Variants in CACNA2D2 observed in about 807,000 individuals in gnomAD.
CACNA2D2 encodes calcium voltage-gated channel auxiliary subunit alpha2delta 2.
CACNA2D2 carries 48 observed loss-of-function variants against 166.4 expected under a neutral mutation model. The ratio of observed to expected loss-of-function variants is 0.29; its 90% CI spans 0.23 to 0.37. The LOEUF (loss-of-function observed/expected upper bound fraction) is 0.37, where lower values mean the gene tolerates loss of function less well. CACNA2D2 is among the 10% of genes least tolerant of loss of function. The pLI is 1.00. For synonymous variants in CACNA2D2, 561 were observed against 573.7 expected (o/e 0.98, Z 0.32); for missense variants, 1,122 against 1,433.0 (o/e 0.78, Z 3.50).
At chr3:50,441,695 G>A (rs1708608144) in intron 2 of CACNA2D2, among the ~76,000 whole-genome samples, 1 of 152,274 alleles carries the variant, frequency 6.6e-6, no homozygotes, top group South Asian at 2.1e-4. Flanking sequence ...AAACTGACTT[G>A]AAAACTGTGG....
chr3:50,458,654 G>C (rs936719416), intron 2 of CACNA2D2, among the ~76,000 whole-genome samples: 1 of 152,236 alleles, frequency 6.6e-6, no homozygotes, highest in South Asian at 2.1e-4. Context: ...CAAACTCCCT[G>C]GCACGACAGT....
intron 2 of CACNA2D2, among the ~76,000 whole-genome samples, chr3:50,458,212 C>A (rs1019174060): frequency 6.6e-6 from 1 of 152,238 alleles, no homozygotes; most frequent in African/African-American, 2.4e-5. Context: ...CTTCCCACTG[C>A]GCAGATGGGG....
chr3:50,426,443 T>G (rs1449257980), intron 3 of CACNA2D2, among the ~76,000 whole-genome samples: 1 of 151,996 alleles, frequency 6.6e-6, no homozygotes, highest in Non-Finnish European at 1.5e-5. Flanking sequence ...TCAGCCAAGG[T>G]GTCCCCACAG....
At chr3:50,466,422 C>G (rs1299451152) in intron 2 of CACNA2D2, among the ~76,000 whole-genome samples, 1 of 152,132 alleles carries the variant, frequency 6.6e-6, no homozygotes, top group East Asian at 1.9e-4. Flanking sequence ...AATGTGTGCC[C>G]GCTCACACCT....
At chr3:50,502,457 C>T (rs895103604) in intron 1 of CACNA2D2, among the ~76,000 whole-genome samples, 13 of 152,210 alleles carry the variant, frequency 8.5e-5, no homozygotes, top group Admixed American at 2.0e-4. Context: ...TTTGCTGGCT[C>T]TTGGGGAGGA....
At chr3:50,471,388 G>T (rs1036863742) in intron 2 of CACNA2D2, among the ~76,000 whole-genome samples, 2 of 152,158 alleles carry the variant, frequency 1.3e-5, no homozygotes, top group Non-Finnish European at 2.9e-5. Flanking sequence ...TGGGGTCTAG[G>T]GGGGACAGCT....
intron 2 of CACNA2D2, among the ~76,000 whole-genome samples, chr3:50,450,590 G>A (rs964917956): frequency 2.0e-5 from 3 of 152,150 alleles, no homozygotes; most frequent in Non-Finnish European, 2.9e-5. Context: ...GACATTCAGC[G>A]CCAAATTAGC....
At chr3:50,476,666 G>C (rs1331485588) in intron 1 of CACNA2D2, among the ~76,000 whole-genome samples, 2 of 152,194 alleles carry the variant, frequency 1.3e-5, no homozygotes, top group Non-Finnish European at 2.9e-5. Context: ...CTGTCACCAA[G>C]TCATTGTGTA....
chr3:50,459,740 G>T (rs1709514283), intron 2 of CACNA2D2, among the ~76,000 whole-genome samples: 1 of 152,240 alleles, frequency 6.6e-6, no homozygotes, highest in Non-Finnish European at 1.5e-5. Flanking sequence ...GTCCAGGGGA[G>T]AAGCCCATGC....
chr3:50,410,702 TAA>T (rs761932772), intron 3 of CACNA2D2, among the ~76,000 whole-genome samples: 4 of 152,030 alleles, frequency 2.6e-5, no homozygotes, highest in Non-Finnish European at 5.9e-5. Flanking sequence ...GGAAAGGGGG[TAA>T]GTGGGACCCC....
intron 3 of CACNA2D2, among the ~76,000 whole-genome samples, chr3:50,399,285 C>T (rs2282753): frequency 0.29 from 43,972 of 152,178 alleles, 8,940 homozygotes; most frequent in African/African-American, 0.54. Context: ...GCCCATCAAA[C>T]AGGACTTTTT....
intron 3 of CACNA2D2, among the ~76,000 whole-genome samples, chr3:50,412,704 C>G (rs962311049): frequency 2.0e-5 from 3 of 152,162 alleles, no homozygotes; most frequent in African/African-American, 7.2e-5. Context: ...TTAGCTCGTT[C>G]TTTGAAATAA....
chr3:50,395,351 C>T (rs1160656695), intron 3 of CACNA2D2, among the ~76,000 whole-genome samples: 4 of 152,108 alleles, frequency 2.6e-5, no homozygotes, highest in Non-Finnish European at 4.4e-5. Context: ...GGCTGGGCCC[C>T]GGAGCCCAGC....
intron 3 of CACNA2D2, among the ~76,000 whole-genome samples, chr3:50,407,892 G>T (rs1706800665): frequency 6.6e-6 from 1 of 152,212 alleles, no homozygotes; most frequent in African/African-American, 2.4e-5. Context: ...AGATGTGGGG[G>T]TAGGAAGGAG....
At position 50,364,758 on chromosome 3, in the gene CACNA2D2, C is replaced by T. The variant is rs1309918262; in HGVS notation, c.3340G>A (p.Gly1114Ser). Residue 1114 changes from glycine to serine, a missense_variant, in exon 38 of 38, where the codon GGC (glycine) becomes AGC (serine). Coordinates refer to ENST00000424201, the MANE Select transcript of CACNA2D2 (RefSeq NM_006030.4). ...AGCAGTTGCAGGGAGACCAGGACGC[C>T]CAGCGACGGCGGGAAGGAGGCCCCG... ...GRGASFPPSL[G>S]VLVSLQLLLL... 2 of 1,575,812 alleles carry T rather than the reference C, an allele frequency of 1.3e-6. No homozygotes were observed. Among genetic ancestry groups the T allele is most frequent in the Admixed American group, 3.7e-5 (2 of 54,274 alleles).
intron 6 of CACNA2D2, among the ~76,000 whole-genome samples, chr3:50,383,929 T>C (rs142668027): frequency 3.7e-4 from 56 of 152,308 alleles, no homozygotes; most frequent in African/African-American, 1.3e-3. Context: ...TGGGTGCCTG[T>C]GGACACGTGG....
intron 2 of CACNA2D2, among the ~76,000 whole-genome samples, chr3:50,446,892 G>A (rs936334287): frequency 3.3e-5 from 5 of 152,280 alleles, no homozygotes; most frequent in South Asian, 2.1e-4. Flanking sequence ...AACCATCTTC[G>A]TTTGTAAGGT....
At chr3:50,458,538 C>T (rs1709464375) in intron 2 of CACNA2D2, among the ~76,000 whole-genome samples, 1 of 152,236 alleles carries the variant, frequency 6.6e-6, no homozygotes, top group Admixed American at 6.5e-5. Context: ...CCCTGTTCAT[C>T]AATTCACTGT....
chr3:50,466,789 C>A (rs1307191046), intron 2 of CACNA2D2, among the ~76,000 whole-genome samples: 2 of 152,264 alleles, frequency 1.3e-5, no homozygotes. Flanking sequence ...ATGACCCTGC[C>A]TTCCGGCCAT....
Sources: gnomAD v4.1 joint callset for allele counts (sites outside exome capture counted in the v4.1 genomes callset) on GRCh38, gnomAD v4.1.1 for gene constraint, MANE v1.5 for transcripts, NCBI Gene and HGNC (gene_info 2026-07-23, HGNC 2026-07-21) for gene names.